Variants in TMEM131 observed in about 807,000 individuals in gnomAD.
The protein encoded by TMEM131 is transmembrane protein 131, also known as 2610524E03Rik.
Under a neutral mutation model 211.6 loss-of-function variants are expected in TMEM131, and 66 were observed. The ratio of observed to expected loss-of-function variants is 0.31; its 90% CI spans 0.26 to 0.38. The LOEUF is 0.38. Among genes scored for constraint, TMEM131 ranks in the 10% least tolerant of loss-of-function variants. TMEM131 has a pLI of 1.00. For missense variants in TMEM131, 2,036 were observed against 2,299.3 expected, an observed-to-expected ratio of 0.89 and a Z score of 2.34; for synonymous variants, 844 against 841.3, an observed-to-expected ratio of 1.00 and a Z score of -0.06.
chr2:97,813,862 G>T, intron 15 of TMEM131, 109 bp downstream of exon 15: 1 of 881,210 alleles, frequency 1.1e-6, no homozygotes, highest in Non-Finnish European at 1.6e-6. Context: ...AGATCAATTT[G>T]CAGAGCACAA....
intron 5 of TMEM131, among the ~76,000 whole-genome samples, chr2:97,848,435 C>T (rs1370813937): frequency 6.6e-6 from 1 of 152,216 alleles, no homozygotes; most frequent in African/African-American, 2.4e-5. Flanking sequence ...TGCTAAAAAA[C>T]AATGTAGCAT....
Position 97,796,239 on chromosome 2 carries a change from G to T in TMEM131, c.3179C>A (p.Ala1060Asp). 6.4e-7 allele frequency: 1 copy of T among 1,558,174 alleles called. No individual in the cohort carries two copies. Among genetic ancestry groups the T allele is most frequent in the Non-Finnish European group, 8.7e-7 (1 of 1,148,398 alleles). Residue 1060 changes from alanine (A) to aspartate (D), a missense_variant, in exon 28 of 41, where the codon GCT becomes GAT. Physicochemically the swap from Ala to Asp is moderately radical, Grantham distance 126. Transcript: ENST00000186436. ...TTACAATATGATTATATCTCTAGAA[G>T]CATTGGCACTTAGAGTAAACTCTTG... ...NCQEFTLSAN[A>D]SRDIIILFTP...
intron 3 of TMEM131, among the ~76,000 whole-genome samples, chr2:97,893,418 T>C (rs1253047705): frequency 6.6e-6 from 1 of 152,202 alleles, no homozygotes; most frequent in Non-Finnish European, 1.5e-5. Context: ...GTAATGGGAT[T>C]GCTGGGTCAA....
chr2:97,978,756 C>T (rs1679657800), intron 1 of TMEM131, among the ~76,000 whole-genome samples: 1 of 152,114 alleles, frequency 6.6e-6, no homozygotes, highest in Non-Finnish European at 1.5e-5. Context: ...CAAAGTCATC[C>T]ATGAAGGTTG....
At chr2:97,761,251 C>T (rs1170534472) in intron 36 of TMEM131, 6 of 210,224 alleles carry the variant, frequency 2.9e-5, no homozygotes, top group Admixed American at 1.0e-4. Context: ...GCCACCGACA[C>T]CGGAAAGGGC....
At chr2:97,975,541 T>C (rs1469025701) in intron 1 of TMEM131, among the ~76,000 whole-genome samples, 1 of 152,058 alleles carries the variant, frequency 6.6e-6, no homozygotes, top group African/African-American at 2.4e-5. Context: ...AACAAATTCT[T>C]TGAAAGATAT....
chr2:97,893,299 C>T (rs1675463246), intron 3 of TMEM131, among the ~76,000 whole-genome samples: 1 of 143,428 alleles, frequency 7.0e-6, no homozygotes, highest in Admixed American at 6.9e-5. Flanking sequence ...CTTTGATGGA[C>T]ATTTGGGTTG....
intron 1 of TMEM131, among the ~76,000 whole-genome samples, chr2:97,954,589 G>A (rs1678473608): frequency 6.6e-6 from 1 of 152,124 alleles, no homozygotes; most frequent in Non-Finnish European, 1.5e-5. Context: ...TGGATCACCT[G>A]AGGTCAGGAG....
intron 19 of TMEM131, among the ~76,000 whole-genome samples, chr2:97,807,840 T>G (rs1056689147): frequency 8.4e-6 from 1 of 118,666 alleles, no homozygotes; most frequent in Non-Finnish European, 1.9e-5. Context: ...AACGAAGAGT[T>G]TAGTATAGTC....
intron 5 of TMEM131, among the ~76,000 whole-genome samples, chr2:97,851,661 C>A (rs1056325862): frequency 6.6e-6 from 1 of 152,174 alleles, no homozygotes; most frequent in Non-Finnish European, 1.5e-5. Context: ...ATTATATCTG[C>A]ATGGTGATCT....
At chr2:97,759,108 T>C (rs1055360639) in intron 39 of TMEM131, 55 bp from the exon 40 acceptor site, 69 of 1,606,350 alleles carry the variant, frequency 4.3e-5, no homozygotes, top group Middle Eastern at 3.3e-4. Flanking sequence ...ATGATCACTA[T>C]AGCATATGGG....
At chr2:97,895,020 C>T (rs1675544303) in intron 3 of TMEM131, among the ~76,000 whole-genome samples, 1 of 152,126 alleles carries the variant, frequency 6.6e-6, no homozygotes, top group Non-Finnish European at 1.5e-5. Context: ...TCATAAATAG[C>T]TCTTATTAGT....
chr2:97,765,582 C>T (rs1679120713), intron 35 of TMEM131, among the ~76,000 whole-genome samples: 1 of 152,196 alleles, frequency 6.6e-6, no homozygotes, highest in Non-Finnish European at 1.5e-5. Flanking sequence ...TTTTGGTTGA[C>T]TGTGCCTACT....
intron 2 of TMEM131, among the ~76,000 whole-genome samples, chr2:97,918,844 G>T (rs968384175): frequency 1.0e-4 from 6 of 59,874 alleles, no homozygotes; most frequent in Non-Finnish European, 2.2e-4. Flanking sequence ...AAGGTTTAGC[G>T]GCTTAAAACA....
chr2:97,932,849 G>GTTCAACAAAGATAAACTGTTTAA (rs142345104), intron 1 of TMEM131, among the ~76,000 whole-genome samples: 24 of 152,274 alleles, frequency 1.6e-4, no homozygotes, highest in African/African-American at 5.8e-4. Flanking sequence ...TAAATAGGCT[G>GTTCAACAAAGATAAACTGTTTAA]ACTGTTAAAA....
chr2:97,947,128 T>C (rs1027121515), intron 1 of TMEM131, among the ~76,000 whole-genome samples: 1 of 152,052 alleles, frequency 6.6e-6, no homozygotes, highest in Non-Finnish European at 1.5e-5. Context: ...AAAGACTAAA[T>C]ACTTTCCATT....
At chr2:97,964,783 A>G (rs1386372835) in intron 1 of TMEM131, among the ~76,000 whole-genome samples, 1 of 152,250 alleles carries the variant, frequency 6.6e-6, no homozygotes, top group Non-Finnish European at 1.5e-5. Flanking sequence ...GAAGGAAGAT[A>G]CTAATCTATA....
chr2:97,817,363 A>C (rs1681879357), intron 12 of TMEM131, among the ~76,000 whole-genome samples: 1 of 152,176 alleles, frequency 6.6e-6, no homozygotes, highest in African/African-American at 2.4e-5. Flanking sequence ...TGAGGCAGCC[A>C]GATCACCTGA....
intron 8 of TMEM131, among the ~76,000 whole-genome samples, chr2:97,836,334 C>G (rs1490799357): frequency 6.6e-6 from 1 of 152,192 alleles, no homozygotes; most frequent in African/African-American, 2.4e-5. Context: ...TAAAGAAACT[C>G]TGATCCTCAA....
Sources: gnomAD v4.1 joint callset for allele counts (sites outside exome capture counted in the v4.1 genomes callset) on GRCh38, gnomAD v4.1.1 for gene constraint, MANE v1.5 for transcripts, NCBI Gene and HGNC (gene_info 2026-07-23, HGNC 2026-07-21) for gene names.